ARID2: variants seen among roughly 807,000 people sequenced by gnomAD.
ARID2 encodes the protein AT-rich interaction domain 2.
In ARID2, 32 loss-of-function variants were observed where a neutral mutation model predicts 184.6. The ratio of observed to expected loss-of-function variants is 0.17; its 90% confidence interval spans 0.13 to 0.23. ARID2 has a LOEUF of 0.23. Among genes scored for constraint, ARID2 ranks in the 10% least tolerant of loss-of-function variants. The pLI is 1.00. For synonymous variants in ARID2, 836 were observed against 772.6 expected (o/e 1.08, Z -1.36); for missense variants, 1,696 against 2,197.6 (o/e 0.77, Z 4.56).
intron 16 of ARID2, among the ~76,000 whole-genome samples, chr12:45,877,413 G>T (rs1241553746): frequency 6.6e-6 from 1 of 151,840 alleles, no homozygotes; most frequent in African/African-American, 2.4e-5. Flanking sequence ...AATGCCTGAT[G>T]ATCTGTCACT....
At chr12:45,897,874 T>C (rs1290048430) in intron 20 of ARID2, among the ~76,000 whole-genome samples, 2 of 152,020 alleles carry the variant, frequency 1.3e-5, no homozygotes, top group Non-Finnish European at 2.9e-5. Context: ...AGACGGGGTC[T>C]CACTCAGTTG....
At chr12:45,847,640 A>T (rs1592116943) in intron 12 of ARID2, among the ~76,000 whole-genome samples, 2 of 152,074 alleles carry the variant, frequency 1.3e-5, no homozygotes, top group East Asian at 3.8e-4. Flanking sequence ...ATATCACTTT[A>T]AAAATTTCTT....
intron 11 of ARID2, among the ~76,000 whole-genome samples, chr12:45,843,915 T>A (rs752200790): frequency 6.6e-6 from 1 of 152,208 alleles, no homozygotes; most frequent in Non-Finnish European, 1.5e-5. Flanking sequence ...TTCAAGAAAG[T>A]ATGTTAGTAT....
At chr12:45,894,306 C>T (rs1285044063) in intron 20 of ARID2, among the ~76,000 whole-genome samples, 1 of 152,180 alleles carries the variant, frequency 6.6e-6, no homozygotes, top group Non-Finnish European at 1.5e-5. Flanking sequence ...TAGAATTCCT[C>T]CTACATCTTC....
intron 3 of ARID2, among the ~76,000 whole-genome samples, chr12:45,809,103 A>G (rs1942656441): frequency 6.6e-6 from 1 of 152,212 alleles, no homozygotes; most frequent in African/African-American, 2.4e-5. Context: ...GTACTAAATG[A>G]TAACAACTTA....
At chr12:45,765,505 C>G (rs2138015778) in intron 3 of ARID2, among the ~76,000 whole-genome samples, 2 of 151,150 alleles carry the variant, frequency 1.3e-5, no homozygotes, top group South Asian at 2.1e-4. Flanking sequence ...ACTACTGAAC[C>G]TGGCCTCGGT....
At position 45,851,680 on chromosome 12, in the gene ARID2, C is replaced by A. The variant is rs1943552794; in HGVS notation, c.3557C>A (p.Thr1186Asn). ...VVPNTSFAPA[T>N]VSQGNATQLI... ...CCAAATACGAGTTTTGCACCTGCAA[C>A]TGTGAGTCAGGGAAATGCAACTCAG... is the stretch of plus-strand genomic sequence containing the variant. Residue 1186 changes from threonine (T) to asparagine (N), a missense_variant, in exon 15 of 21, where the codon ACT becomes AAT. Physicochemically the swap from Thr to Asn is moderately conservative, Grantham distance 65. Coordinates refer to ENST00000334344, the MANE Select transcript of ARID2 (RefSeq NM_152641.4). The A allele has an allele frequency of 6.2e-7, 1 of 1,614,036 alleles. No individual in the cohort carries two copies. The highest frequency in any genetic ancestry group is 1.7e-5 in the Admixed American group (1 of 59,990).
intron 3 of ARID2, among the ~76,000 whole-genome samples, chr12:45,790,510 T>G (rs1021995587): frequency 5.9e-5 from 9 of 152,218 alleles, no homozygotes; most frequent in Admixed American, 2.0e-4. Context: ...TGATTTTCTT[T>G]GTAAGGGTCC....
chr12:45,762,590 T>C (rs1297393114), intron 3 of ARID2, among the ~76,000 whole-genome samples: 1 of 152,246 alleles, frequency 6.6e-6, no homozygotes, highest in Non-Finnish European at 1.5e-5. Context: ...TCCCTAAAGA[T>C]GCCCTACCAT....
intron 13 of ARID2, 130 bp from the exon 14 acceptor site, chr12:45,849,450 A>G: frequency 1.7e-6 from 1 of 589,890 alleles, no homozygotes; most frequent in Non-Finnish European, 2.8e-6. Flanking sequence ...ATCCTTGCAG[A>G]ATATAACTGT....
rs186428328 is a variant in ARID2 at position 45,907,918 on chromosome 12, C to G, written c.*2840C>G. On this transcript the variant is annotated 3_prime_UTR_variant, in exon 21 of 21. Coordinates refer to ENST00000334344, the MANE Select transcript of ARID2 (RefSeq NM_152641.4). ...TTCCAAGCTCAAGTCAGGATTGTGA[C>G]TATATATTAATGAGACTCAGTAATC... The G allele has an allele frequency of 4.3e-6, 1 of 231,668 alleles. No individual in the cohort carries two copies. The highest frequency in any genetic ancestry group is 6.1e-5 in the East Asian group (1 of 16,276). 14.4% of individuals were successfully genotyped at this position (231,668 alleles called of 1,614,324 possible). A position where few individuals can be genotyped will look rare whatever the true frequency, so the allele number is the denominator to read the frequency against.
At position 45,851,402 on chromosome 12, in the gene ARID2, T is replaced by C. The variant is rs2138170679; in HGVS notation, c.3279T>C (p.Pro1093=). The C allele has an allele frequency of 6.2e-7, 1 of 1,614,168 alleles. No homozygotes were observed. Among genetic ancestry groups the C allele is most frequent in the African/African-American group, 1.3e-5 (1 of 75,062 alleles). The change falls in exon 15 of 21, where the codon CCT becomes CCC. Residue 1093 remains proline (P), a synonymous_variant. Transcript: ENST00000334344. ...QIPPPNNARA[P]SPQVVYQVAS... is the part of the protein sequence containing the mutation. ...CTCCCCCTAATAATGCAAGAGCTCCTAGCCCTCAGGTGGTCTATCAGGTGG... is the reference window on the plus strand; with the variant it reads ...CTCCCCCTAATAATGCAAGAGCTCCCAGCCCTCAGGTGGTCTATCAGGTGG...
intron 3 of ARID2, among the ~76,000 whole-genome samples, chr12:45,784,185 A>C (rs1942149594): frequency 6.6e-6 from 1 of 151,758 alleles, no homozygotes; most frequent in Admixed American, 6.6e-5. Context: ...ATTTTTATTT[A>C]TTTAGTTATT....
intron 3 of ARID2, among the ~76,000 whole-genome samples, chr12:45,793,303 A>G (rs917220403): frequency 3.9e-5 from 6 of 151,996 alleles, no homozygotes; most frequent in Non-Finnish European, 8.8e-5. Context: ...TCCATTAAAA[A>G]AAAAAGACTT....
At chr12:45,856,494 G>T (rs1859812949) in intron 15 of ARID2, among the ~76,000 whole-genome samples, 1 of 152,018 alleles carries the variant, frequency 6.6e-6, no homozygotes, top group African/African-American at 2.4e-5. Context: ...TTTTTTTGGA[G>T]AAACCTTGTT....
At chr12:45,854,649 A>G (rs1055038772) in intron 15 of ARID2, among the ~76,000 whole-genome samples, 8 of 152,194 alleles carry the variant, frequency 5.3e-5, no homozygotes, top group Admixed American at 1.3e-4. Flanking sequence ...TTACAATCCT[A>G]AATAGTTATA....
chr12:45,784,857 CA>C (rs1168853812), intron 3 of ARID2, among the ~76,000 whole-genome samples: 3 of 152,188 alleles, frequency 2.0e-5, no homozygotes, highest in African/African-American at 7.2e-5. Flanking sequence ...AGTTTACACA[CA>C]AATATTACTT....
At chr12:45,802,093 GTC>G (rs918256634) in intron 3 of ARID2, among the ~76,000 whole-genome samples, 6 of 148,266 alleles carry the variant, frequency 4.0e-5, no homozygotes, top group Non-Finnish European at 7.5e-5. Context: ...AGACGACAGG[GTC>G]TCTCTCTGTT....
rs2138093308 is a variant in ARID2, at chr12:45,817,821, C to T, written c.570C>T (p.Val190=). ...TCCTATCAAATGAAAGCAAGCACGT[C>T]ATGCAACTTGAAAAAGATCCTAAAA... is the stretch of plus-strand genomic sequence containing the variant. ...CTLLSNESKH[V]MQLEKDPKII... The change falls in exon 5 of 21, where the codon GTC becomes GTT. Residue 190 remains valine, a synonymous_variant. Coordinates refer to ENST00000334344, the MANE Select transcript of ARID2 (RefSeq NM_152641.4). The T allele has an allele frequency of 1.9e-6, 3 of 1,613,296 alleles. No homozygotes were observed. The highest frequency in any genetic ancestry group is 2.5e-6 in the Non-Finnish European group (3 of 1,179,738).
Sources: gnomAD v4.1 joint callset for allele counts (sites outside exome capture counted in the v4.1 genomes callset) on GRCh38, gnomAD v4.1.1 for gene constraint, MANE v1.5 for transcripts, NCBI Gene and HGNC (gene_info 2026-07-23, HGNC 2026-07-21) for gene names.